ADGRL3: variants seen among roughly 807,000 people sequenced by gnomAD.
The protein encoded by ADGRL3 is calcium-independent alpha-latrotoxin receptor 3.
In ADGRL3, 62 loss-of-function variants were observed where a neutral mutation model predicts 153.5. The ratio of observed to expected loss-of-function variants is 0.40; its 90% CI spans 0.33 to 0.50. The LOEUF (loss-of-function observed/expected upper bound fraction) is 0.50, where lower values mean the gene tolerates loss of function less well. Ranked by LOEUF, ADGRL3 falls within the 20% of genes least tolerant of loss-of-function variation. The probability of loss-of-function intolerance (pLI) is 0.47; values close to 1 mark genes in which losing one functional copy is unlikely to be tolerated. For missense variants in ADGRL3, 1,641 were observed against 1,859.4 expected (o/e 0.88, Z 2.16); for synonymous variants, 710 against 672.5 (o/e 1.06, Z -0.86).
chr4:61,516,667 T>C (rs1482428562), intron 3 of ADGRL3, among the ~76,000 whole-genome samples: 1 of 152,268 alleles, frequency 6.6e-6, no homozygotes, highest in East Asian at 1.9e-4. Flanking sequence ...GTAAAATCAC[T>C]GTGTATATAA....
At chr4:61,442,526 GATCATCTAGAAGAGAAGGTCA>G (rs1356053739) in intron 2 of ADGRL3, among the ~76,000 whole-genome samples, 2 of 152,166 alleles carry the variant, frequency 1.3e-5, no homozygotes, top group Non-Finnish European at 2.9e-5. Context: ...AACTATTTCT[GATCATCTAGAAGAGAAGGTCA>G]TGCTTGGACT....
At chr4:61,817,387 T>C (rs1306942903) in intron 9 of ADGRL3, among the ~76,000 whole-genome samples, 2 of 152,110 alleles carry the variant, frequency 1.3e-5, no homozygotes, top group Non-Finnish European at 2.9e-5. Flanking sequence ...CATGGACCAA[T>C]TGGCATGCAC....
chr4:61,860,149 C>T (rs1030091903), intron 9 of ADGRL3, among the ~76,000 whole-genome samples: 1 of 152,062 alleles, frequency 6.6e-6, no homozygotes, highest in South Asian at 2.1e-4. Context: ...GTTGGCTGGG[C>T]ATTGGTAAAA....
At chr4:61,298,695 T>C (rs7655251) in intron 1 of ADGRL3, among the ~76,000 whole-genome samples, 111,407 of 152,084 alleles carry the variant, frequency 0.73, 41,126 homozygotes, top group East Asian at 0.97. Flanking sequence ...CCTTAAACAG[T>C]AGAGTTCTTT....
chr4:61,568,911 GT>G (rs2098827356), intron 4 of ADGRL3, among the ~76,000 whole-genome samples: 1 of 152,082 alleles, frequency 6.6e-6, no homozygotes, highest in South Asian at 2.1e-4. Context: ...AACAGTGGCT[GT>G]CTTCAATCTA....
chr4:61,749,645 T>A (rs2096725550), intron 8 of ADGRL3, among the ~76,000 whole-genome samples: 1 of 150,052 alleles, frequency 6.7e-6, no homozygotes, highest in Non-Finnish European at 1.5e-5. Context: ...CATTCATAGG[T>A]GGGAATTGAA....
At chr4:62,051,778 G>A (rs1262639238) in intron 25 of ADGRL3, among the ~76,000 whole-genome samples, 3 of 151,602 alleles carry the variant, frequency 2.0e-5, no homozygotes, top group East Asian at 1.9e-4. Flanking sequence ...TACCTCTATT[G>A]TGAATCAAAC....
intron 1 of ADGRL3, among the ~76,000 whole-genome samples, chr4:61,348,732 A>G (rs2095978166): frequency 6.6e-6 from 1 of 152,078 alleles, no homozygotes; most frequent in Non-Finnish European, 1.5e-5. Flanking sequence ...AATCATGACT[A>G]TACCACTTTA....
intron 1 of ADGRL3, among the ~76,000 whole-genome samples, chr4:61,375,171 C>G (rs886772353): frequency 6.6e-6 from 1 of 151,968 alleles, no homozygotes; most frequent in South Asian, 2.1e-4. Context: ...TATCATGAGT[C>G]TGTAGAAGGT....
chr4:61,904,236 T>C (rs2098683401), intron 11 of ADGRL3, among the ~76,000 whole-genome samples: 1 of 150,470 alleles, frequency 6.6e-6, no homozygotes, highest in African/African-American at 2.4e-5. Context: ...TTCAAGAGAA[T>C]TCATTAGAGA....
Position 61,200,501 on chromosome 4 carries a change from G to GC in ADGRL3, c.-1503dup, listed in dbSNP as rs1734287060. 1.3e-5 allele frequency among the ~76,000 whole-genome samples: 2 copies of GC among 150,318 alleles called. No individual in the cohort carries two copies. The highest frequency in any genetic ancestry group is 4.9e-5 in the African/African-American group (2 of 40,810). ...CAGATGCTGCAGCTGGTCGGGGTGG[G>GC]CGCCGCCGCCGCCGCCGCCGCCGCT... On this transcript the variant is annotated 5_prime_UTR_variant, in exon 1 of 27. It removes the in-frame stop codon of an upstream open reading frame in the 5' UTR. Coordinates refer to ENST00000683033, the MANE Select transcript of ADGRL3 (RefSeq NM_001387552.1).
intron 2 of ADGRL3, among the ~76,000 whole-genome samples, chr4:61,449,502 T>G (rs1443404753): frequency 6.6e-6 from 1 of 152,082 alleles, no homozygotes. Context: ...AGACTGTACC[T>G]AGGCAGGTAC....
chr4:61,363,553 A>G (rs550528613), intron 1 of ADGRL3, among the ~76,000 whole-genome samples: 3 of 152,318 alleles, frequency 2.0e-5, no homozygotes, highest in Admixed American at 2.0e-4. Flanking sequence ...TGTGCCATTT[A>G]GAAATTCTCT....
intron 2 of ADGRL3, among the ~76,000 whole-genome samples, chr4:61,406,298 T>C (rs1052236546): frequency 2.0e-5 from 3 of 151,986 alleles, no homozygotes; most frequent in African/African-American, 7.2e-5. Flanking sequence ...TTGGCTGTAG[T>C]GTAGTGTAAC....
chr4:61,550,540 T>C (rs1489678303), intron 4 of ADGRL3, among the ~76,000 whole-genome samples: 2 of 152,042 alleles, frequency 1.3e-5, no homozygotes, highest in Admixed American at 6.6e-5. Context: ...ATTATTTCTA[T>C]GTCCTATAAC....
chr4:61,765,761 A>G (rs1312548616), intron 8 of ADGRL3, among the ~76,000 whole-genome samples: 3 of 152,142 alleles, frequency 2.0e-5, no homozygotes, highest in Non-Finnish European at 4.4e-5. Context: ...TATCTGACTA[A>G]GGGCATGTTG....
intron 25 of ADGRL3, among the ~76,000 whole-genome samples, chr4:62,050,872 A>G (rs1733709652): frequency 6.6e-6 from 1 of 152,000 alleles, no homozygotes; most frequent in East Asian, 1.9e-4. Context: ...AATGTTAGCT[A>G]TGCAAGTTAA....
At chr4:62,036,029 T>C (rs535940783) in intron 23 of ADGRL3, among the ~76,000 whole-genome samples, 21 of 152,234 alleles carry the variant, frequency 1.4e-4, no homozygotes, top group African/African-American at 5.1e-4. Context: ...GCTCGATTTC[T>C]TTTTTTAAAA....
chr4:62,010,346 A>G (rs2099179644), intron 21 of ADGRL3, among the ~76,000 whole-genome samples: 1 of 152,126 alleles, frequency 6.6e-6, no homozygotes, highest in African/African-American at 2.4e-5. Flanking sequence ...TCTCATTCGT[A>G]TGCAGAAGGC....
Sources: allele counts gnomAD v4.1 joint callset (sites outside exome capture counted in the v4.1 genomes callset), GRCh38; gene constraint gnomAD v4.1.1; transcripts MANE v1.5; gene names NCBI Gene and HGNC (gene_info 2026-07-23, HGNC 2026-07-21).